The following SARS1 variants were observed in gnomAD, a reference collection of about 807,000 sequenced individuals.
SARS1 encodes serine--tRNA ligase, cytoplasmic.
Under a neutral mutation model 63.7 loss-of-function variants are expected in SARS1, and 25 were observed. That is an observed-to-expected ratio of 0.39 (90% confidence interval 0.29 to 0.55). The LOEUF (loss-of-function observed/expected upper bound fraction) is 0.55. Ranked by LOEUF, SARS1 falls within the 20% of genes least tolerant of loss-of-function variation. The pLI, the probability that SARS1 is intolerant of heterozygous loss-of-function variation, is 0.62. For synonymous variants in SARS1, 231 were observed against 243.5 expected, an observed-to-expected ratio of 0.95 and a Z score of 0.48; for missense variants, 417 against 649.7, an observed-to-expected ratio of 0.64 and a Z score of 3.89.
chr1:109,224,015 C>A lies in SARS1; in HGVS notation c.174C>A (p.Asn58Lys), dbSNP rs763763716. ...FRADNLNKLK[N>K]LCSKTIGEKM... The stretch of plus-strand genomic sequence containing the variant: ...CAGACAACTTGAACAAGCTGAAGAA[C>A]CTATGCAGCAAGACAATCGGAGAGA... The change falls in exon 2 of 11, where the codon AAC (asparagine) becomes AAA (lysine). Residue 58 changes from asparagine (N) to lysine (K), a missense_variant. Around this residue, in one of 3 missense-constraint regions of SARS1, gnomAD observed 359 missense variants for 529.6 expected, o/e 0.68. Coordinates refer to ENST00000234677, the MANE Select transcript of SARS1 (RefSeq NM_006513.4). 1 of 1,613,622 alleles carries A rather than the reference C, an allele frequency of 6.2e-7. No homozygotes were observed. The highest frequency in any genetic ancestry group is 2.2e-5 in the East Asian group (1 of 44,858).
chr1:109,223,409 T>G (rs1013341622), intron 1 of SARS1, among the ~76,000 whole-genome samples: 1 of 152,258 alleles, frequency 6.6e-6, no homozygotes, highest in African/African-American at 2.4e-5. Flanking sequence ...TATAATGGCT[T>G]CATACAGGTT....
At chr1:109,233,990 C>T (rs908936987) in intron 6 of SARS1, among the ~76,000 whole-genome samples, 3 of 150,354 alleles carry the variant, frequency 2.0e-5, no homozygotes, top group African/African-American at 7.3e-5. Context: ...CTGCCTCAGC[C>T]TGTTGAGTAG....
At chr1:109,229,159 AATAG>A (rs1655151591) in intron 3 of SARS1, among the ~76,000 whole-genome samples, 1 of 152,258 alleles carries the variant, frequency 6.6e-6, no homozygotes, top group South Asian at 2.1e-4. Flanking sequence ...GTATGGGAAC[AATAG>A]ATAGTGGCCA....
In SARS1 at chr1:109,216,733, T is replaced by C. The variant is rs115619642; in HGVS notation, c.136+2605T>C. 444 of 503,860 alleles carry C rather than the reference T, an allele frequency of 8.8e-4. 3 individuals are homozygous for C. In the African/African-American group the frequency reaches 9.0e-3, roughly 10 times the overall value. The allele number at this position is 503,860 out of a possible 1,614,324, so 31.2% of individuals were successfully genotyped here. On this transcript the variant is annotated intron_variant, in intron 1 of 10. Transcript: ENST00000234677. Reference sequence around the variant, plus strand: ...TCTCCCCAGGCTCAGATGATCCTCCTGCCTTAGACTTCTGACTAGCTGAGA... The same window carrying C: ...TCTCCCCAGGCTCAGATGATCCTCCCGCCTTAGACTTCTGACTAGCTGAGA...
rs775874211 is a variant in SARS1 at position 109,231,733 on chromosome 1, G to A, written c.694G>A (p.Glu232Lys). ...PIYTPFFMRKEVMQEVAQLSQ... is the reference protein window; with the variant it reads ...PIYTPFFMRKKVMQEVAQLSQ... ...TTATACCCCCTTTTTCATGAGGAAG[G>A]AGGTCATGCAGGAGGTGGCACAGCT... Residue 232 changes from glutamate (E) to lysine (K), a missense_variant, in exon 6 of 11, where the codon GAG becomes AAG. By Grantham distance (56) the Glu-to-Lys change is moderately conservative (BLOSUM62 1). Coordinates refer to ENST00000234677, the MANE Select transcript of SARS1 (RefSeq NM_006513.4). 6 of 1,598,968 alleles carry A rather than the reference G, an allele frequency of 3.8e-6. No homozygotes were observed. The East Asian group carries it at 1.4e-4, about 37-fold the overall frequency.
chr1:109,215,941 T>TGATC (rs2101179352), intron 1 of SARS1: 1 of 691,594 alleles, frequency 1.4e-6, no homozygotes, highest in South Asian at 6.5e-5. Context: ...TGACCTCAAG[T>TGATC]GATCCGCCTG....
intron 1 of SARS1, among the ~76,000 whole-genome samples, chr1:109,221,872 T>G (rs1410351263): frequency 6.7e-6 from 1 of 149,990 alleles, no homozygotes; most frequent in Non-Finnish European, 1.5e-5. Context: ...TAGCCTGGAG[T>G]GCAGTGGAAT....
chr1:109,214,422 T>C lies in SARS1; in HGVS notation c.136+294T>C. 1 of 717,152 alleles carries C rather than the reference T, an allele frequency of 1.4e-6. No individual in the cohort carries two copies. Among genetic ancestry groups the C allele is most frequent in the African/African-American group, 1.9e-5 (1 of 54,004 alleles). The allele number at this position is 717,152 out of a possible 1,614,324, so 44.4% of individuals were successfully genotyped here. A position where few individuals can be genotyped will look rare whatever the true frequency, so the allele number is the denominator to read the frequency against. ...TGTCAAGCCTTCCTGCCCCAGGGGT[T>C]GCCAGAACATGCCGGGGCGGGAGGT... On this transcript the variant is annotated intron_variant, in intron 1 of 10. Coordinates refer to ENST00000234677, the MANE Select transcript of SARS1 (RefSeq NM_006513.4). The surrounding 1 kb of genome is among the most constrained non-coding windows in gnomAD (Gnocchi z 4.6).
Position 109,230,918 on chromosome 1 carries a change from C to G in SARS1, c.488C>G (p.Thr163Arg), listed in dbSNP as rs1366495806. Residue 163 changes from threonine to arginine, a missense_variant, in exon 5 of 11, where the codon ACA becomes AGA. Physicochemically the swap from Thr to Arg is moderately conservative, Grantham distance 71. Transcript: ENST00000234677. ...GTAGAGAGGATTTGGGGTGATTGTA[C>G]AGTCAGGAAGAAGTACTCTCATGTG... ...NKVERIWGDC[T>R]VRKKYSHVDL... 50 of 1,603,708 alleles carry G rather than the reference C, an allele frequency of 3.1e-5. No homozygotes were observed. Among genetic ancestry groups the G allele is most frequent in the Non-Finnish European group, 4.2e-5 (49 of 1,174,542 alleles).
At chr1:109,233,194 A>G (rs961769510) in intron 6 of SARS1, among the ~76,000 whole-genome samples, 1 of 152,020 alleles carries the variant, frequency 6.6e-6, no homozygotes, top group Non-Finnish European at 1.5e-5. Context: ...TTTCCTATGT[A>G]GAGACAGGGT....
intron 1 of SARS1, among the ~76,000 whole-genome samples, chr1:109,220,143 C>G (rs1049833076): frequency 1.3e-5 from 2 of 152,212 alleles, no homozygotes; most frequent in Admixed American, 6.5e-5. Context: ...TCCATCACCT[C>G]AAATACTTAT....
chr1:109,214,494 A>C lies in SARS1; in HGVS notation c.136+366A>C, dbSNP rs1654741208. ...CTAACACGAATCTTTGGTCCCCCCC[A>C]GTCTTTTTCTCATCTTCAGCAAGGC... is the stretch of plus-strand genomic sequence containing the variant. On this transcript the variant is annotated intron_variant, in intron 1 of 10. Coordinates refer to ENST00000234677, the MANE Select transcript of SARS1 (RefSeq NM_006513.4). The surrounding 1 kb of genome is among the most constrained non-coding windows in gnomAD (Gnocchi z 4.6). 1 of 1,006,158 alleles carries C rather than the reference A, an allele frequency of 9.9e-7. No homozygotes were observed. The highest frequency in any genetic ancestry group is 1.2e-6 in the Non-Finnish European group (1 of 833,794). 62.3% of individuals were successfully genotyped at this position (1,006,158 alleles called of 1,614,324 possible). A position where few individuals can be genotyped will look rare whatever the true frequency, so the allele number is the denominator to read the frequency against.
In SARS1 at chr1:109,214,174, T is replaced by C. The variant is rs550583458; in HGVS notation, c.136+46T>C. On this transcript the variant is annotated intron_variant, in intron 1 of 10. Transcript: ENST00000234677. The surrounding 1 kb of genome is among the most constrained non-coding windows in gnomAD (Gnocchi z 4.6). ...GTTACCTCCTTGATGCTAAACCCAA[T>C]TTTCTCTCTCAAATCCAGCCACCGC... is the stretch of plus-strand genomic sequence containing the variant. 29 of 1,595,582 alleles carry C rather than the reference T, an allele frequency of 1.8e-5. No homozygotes were observed. Among genetic ancestry groups the C allele is most frequent in the Non-Finnish European group, 2.4e-5 (28 of 1,170,004 alleles).
chr1:109,236,216 C>A, intron 8 of SARS1, 110 bp downstream of exon 8: 1 of 1,380,826 alleles, frequency 7.2e-7, no homozygotes, highest in Non-Finnish European at 9.9e-7. Flanking sequence ...TCATTGCCCA[C>A]ATTAATTAAA....
chr1:109,219,971 T>G (rs1294789204), intron 1 of SARS1, among the ~76,000 whole-genome samples: 2 of 152,226 alleles, frequency 1.3e-5, no homozygotes, highest in African/African-American at 4.8e-5. Context: ...TAAACTGGGT[T>G]GTTACCGGTT....
Position 109,214,949 on chromosome 1 carries a change from G to A in SARS1, c.136+821G>A. 3.0e-6 allele frequency: 3 copies of A among 985,434 alleles called. No individual in the cohort carries two copies. Among genetic ancestry groups the A allele is most frequent in the Non-Finnish European group, 3.6e-6 (3 of 829,956 alleles). The allele number at this position is 985,434 out of a possible 1,614,324, so 61.0% of individuals were successfully genotyped here. A position where few individuals can be genotyped will look rare whatever the true frequency, so the allele number is the denominator to read the frequency against. On this transcript the variant is annotated intron_variant, in intron 1 of 10. Coordinates refer to ENST00000234677, the MANE Select transcript of SARS1 (RefSeq NM_006513.4). This position sits in a 1 kb window ranked among gnomAD's most constrained non-coding sequence, Gnocchi z 4.6. ...AATCTCTGCCTGTATTAACTGGAGT[G>A]GTCGCTGGTTGGGCGGATGCTGTCA... is the stretch of plus-strand genomic sequence containing the variant.
chr1:109,226,679 T>TATATATATATATATATATATACAC (rs1655088688), intron 2 of SARS1, among the ~76,000 whole-genome samples: 1 of 60,824 alleles, frequency 1.6e-5, no homozygotes, highest in Non-Finnish European at 3.0e-5. Flanking sequence ...AAAAAAAAAA[T>TATATATATATATATATATATACAC]ATATATATAT....
chr1:109,236,162 T>C (rs1655303336), intron 8 of SARS1, 56 bp downstream of exon 8: 1 of 1,569,798 alleles, frequency 6.4e-7, no homozygotes, highest in Non-Finnish European at 8.6e-7. Flanking sequence ...GACGCCACCC[T>C]TACCAGCTGA....
Position 109,237,066 on chromosome 1 carries a change from A to G in SARS1, c.1258-178A>G. The G allele has an allele frequency of 2.5e-6, 3 of 1,206,226 alleles. No individual in the cohort carries two copies. The highest frequency in any genetic ancestry group is 3.4e-6 in the Non-Finnish European group (3 of 882,044). The allele number at this position is 1,206,226 out of a possible 1,614,324, so 74.7% of individuals were successfully genotyped here. On this transcript the variant is annotated intron_variant, in intron 9 of 10. Coordinates refer to ENST00000234677, the MANE Select transcript of SARS1 (RefSeq NM_006513.4). The surrounding 1 kb of genome is among the most constrained non-coding windows in gnomAD (Gnocchi z 4.1). ...TGAGGGATCTTTCTGCAGTTATCTA[A>G]TAGGCAATAAATACCAAATAATTCA...
Sources: gnomAD v4.1 joint callset for allele counts (sites outside exome capture counted in the v4.1 genomes callset) on GRCh38, gnomAD v4.1.1 for gene constraint, gnomAD v4.1.1 regional missense constraint, Gnocchi (gnomAD v3.1) non-coding constraint, MANE v1.5 for transcripts, NCBI Gene and HGNC (gene_info 2026-07-23, HGNC 2026-07-21) for gene names.